The following FAM135A variants were observed in gnomAD, a reference collection of about 807,000 sequenced individuals.
FAM135A encodes family with sequence similarity 135 member A.
A neutral mutation model predicts 146.8 loss-of-function variants in FAM135A; 79 were observed. The ratio of observed to expected loss-of-function variants is 0.54; its 90% confidence interval spans 0.45 to 0.65. The LOEUF is 0.65. Among genes scored for constraint, FAM135A ranks in the 30% least tolerant of loss-of-function variants. The probability of loss-of-function intolerance (pLI) is 0.00; values close to 1 mark genes in which losing one functional copy is unlikely to be tolerated. For missense variants in FAM135A, 1,623 were observed against 1,758.2 expected (o/e 0.92, Z 1.38); for synonymous variants, 562 against 603.6 (o/e 0.93, Z 1.01).
At position 70,476,566 on chromosome 6, in the gene FAM135A, TTACCTGTAGA is replaced by T. The variant is rs1782664503; in HGVS notation, c.369-591_369-582del. On this transcript the variant is annotated intron_variant, in intron 7 of 21. Coordinates refer to ENST00000418814, the MANE Select transcript of FAM135A (RefSeq NM_001162529.3). ...TAAGCTGAAATGAGTAGGTAGTTCA[TTACCTGTAGA>T]TTGTTAAAATGGATGGATGGAATTT... Among the ~76,000 whole-genome samples, 5 of 152,094 alleles carry T rather than the reference TTACCTGTAGA, an allele frequency of 3.3e-5. No individual in the cohort carries two copies. The South Asian group carries it at 1.0e-3, about 32-fold the overall frequency.
At chr6:70,494,624 A>G (rs1353263292) in intron 11 of FAM135A, among the ~76,000 whole-genome samples, 1 of 151,998 alleles carries the variant, frequency 6.6e-6, no homozygotes, top group Non-Finnish European at 1.5e-5. Flanking sequence ...ATTATTATTT[A>G]TTTTGGTATT....
intron 2 of FAM135A, among the ~76,000 whole-genome samples, chr6:70,422,959 A>G (rs926602073): frequency 1.3e-5 from 2 of 152,202 alleles, no homozygotes; most frequent in African/African-American, 2.4e-5. Flanking sequence ...TGAGGAAAAA[A>G]TAAAGGACTA....
intron 18 of FAM135A, among the ~76,000 whole-genome samples, chr6:70,535,085 T>C (rs1263000209): frequency 6.6e-6 from 1 of 152,212 alleles, no homozygotes; most frequent in Admixed American, 6.5e-5. Flanking sequence ...GTCTTTCAGG[T>C]TAGATTGTCA....
intron 20 of FAM135A, among the ~76,000 whole-genome samples, chr6:70,544,576 CA>C (rs559511628): frequency 6.7e-6 from 1 of 150,360 alleles, no homozygotes. Context: ...CTCATCTCTA[CA>C]AAAAAATACA....
intron 5 of FAM135A, among the ~76,000 whole-genome samples, chr6:70,455,361 G>A (rs1778097557): frequency 6.6e-6 from 1 of 150,782 alleles, no homozygotes; most frequent in African/African-American, 2.5e-5. Flanking sequence ...TGCTCACAGA[G>A]GTCTGTTGCT....
At chr6:70,418,261 G>A (rs1341316484) in intron 2 of FAM135A, 1 of 152,196 alleles carries the variant, frequency 6.6e-6, no homozygotes, top group Non-Finnish European at 1.5e-5. Context: ...AGAAGGTCAT[G>A]AGTGATGATG....
At chr6:70,414,826 A>T (rs9455092) in intron 1 of FAM135A, among the ~76,000 whole-genome samples, 30,493 of 152,046 alleles carry the variant, frequency 0.2, 3,301 homozygotes, top group African/African-American at 0.29. Context: ...AGTACAGACT[A>T]AATGAAACTA....
At chr6:70,548,691 CAAA>C (rs1799281958) in intron 20 of FAM135A, among the ~76,000 whole-genome samples, 1 of 151,698 alleles carries the variant, frequency 6.6e-6, no homozygotes, top group Non-Finnish European at 1.5e-5. Context: ...TTTATTCTTA[CAAA>C]TATAGAAATC....
At chr6:70,456,071 C>T (rs111452467) in intron 5 of FAM135A, among the ~76,000 whole-genome samples, 19,867 of 152,152 alleles carry the variant, frequency 0.13, 1,544 homozygotes, top group Middle Eastern at 0.19. Flanking sequence ...AGGATGGTCA[C>T]GATCTCTTGA....
chr6:70,530,220 A>T (rs1374354148), intron 16 of FAM135A, among the ~76,000 whole-genome samples: 1 of 152,210 alleles, frequency 6.6e-6, no homozygotes, highest in Admixed American at 6.5e-5. Flanking sequence ...AATACCCTAC[A>T]TCAGCAAATC....
At chr6:70,457,083 A>G (rs1170223910) in intron 5 of FAM135A, among the ~76,000 whole-genome samples, 3 of 152,214 alleles carry the variant, frequency 2.0e-5, no homozygotes, top group Non-Finnish European at 4.4e-5. Context: ...CTCAGAGTGG[A>G]TGCTGTGTTT....
intron 17 of FAM135A, 94 bp from the exon 18 acceptor site, chr6:70,533,663 T>C: frequency 1.3e-6 from 1 of 742,836 alleles, no homozygotes; most frequent in Non-Finnish European, 2.1e-6. Context: ...TAACCATACT[T>C]TCAGTACCTA....
chr6:70,463,491 C>A (rs1779814388), intron 5 of FAM135A, among the ~76,000 whole-genome samples: 1 of 151,912 alleles, frequency 6.6e-6, no homozygotes, highest in African/African-American at 2.4e-5. Flanking sequence ...AACTCTTGGC[C>A]TCAAGCAGTC....
At chr6:70,515,070 C>G (rs4283855) in intron 12 of FAM135A, among the ~76,000 whole-genome samples, 187 of 152,036 alleles carry the variant, frequency 1.2e-3, no homozygotes, top group African/African-American at 4.3e-3. Flanking sequence ...AGATAACCAC[C>G]GTATACCTAT....
chr6:70,539,298 C>T (rs77463134), intron 20 of FAM135A, among the ~76,000 whole-genome samples: 5 of 151,190 alleles, frequency 3.3e-5, no homozygotes, highest in African/African-American at 1.2e-4. Context: ...GTTTGGCAAA[C>T]TTTTTTTTAA....
At chr6:70,551,079 G>A (rs1169677000) in intron 20 of FAM135A, among the ~76,000 whole-genome samples, 2 of 152,194 alleles carry the variant, frequency 1.3e-5, no homozygotes, top group African/African-American at 4.8e-5. Flanking sequence ...GAATGTTGCA[G>A]CAGGTTTGAT....
At chr6:70,530,075 T>A (rs1195814606) in intron 16 of FAM135A, among the ~76,000 whole-genome samples, 12 of 150,130 alleles carry the variant, frequency 8.0e-5, no homozygotes, top group Admixed American at 5.3e-4. Context: ...AAAAAAAAAA[T>A]AATAATAATG....
intron 10 of FAM135A, among the ~76,000 whole-genome samples, chr6:70,489,211 A>AAAC (rs1380615274): frequency 6.6e-6 from 1 of 152,202 alleles, no homozygotes; most frequent in African/African-American, 2.4e-5. Flanking sequence ...AGTAATGTGA[A>AAAC]AACAGATGGT....
At chr6:70,457,705 T>G (rs1778634238) in intron 5 of FAM135A, among the ~76,000 whole-genome samples, 1 of 152,230 alleles carries the variant, frequency 6.6e-6, no homozygotes, top group African/African-American at 2.4e-5. Flanking sequence ...AGGATTTATC[T>G]TCTATAAAAA....
Sources: gnomAD v4.1 joint callset for allele counts (sites outside exome capture counted in the v4.1 genomes callset) on GRCh38, gnomAD v4.1.1 for gene constraint, MANE v1.5 for transcripts, NCBI Gene and HGNC (gene_info 2026-07-23, HGNC 2026-07-21) for gene names.